PDE1A: variants seen among roughly 807,000 people sequenced by gnomAD.
PDE1A encodes the protein dual specificity calcium/calmodulin-dependent 3',5'-cyclic nucleotide phosphodiesterase 1A.
PDE1A carries 35 observed loss-of-function variants against 61.7 expected under a neutral mutation model. The ratio of observed to expected loss-of-function variants is 0.57; its 90% CI spans 0.43 to 0.75. The LOEUF is 0.75. PDE1A is among the 30% of genes least tolerant of loss of function. PDE1A has a pLI of 0.00. For missense variants in PDE1A, 597 were observed against 630.6 expected, an observed-to-expected ratio of 0.95 and a Z score of 0.57; for synonymous variants, 232 against 213.2, an observed-to-expected ratio of 1.09 and a Z score of -0.77.
At chr2:182,522,210 C>A in intron 2 of PDE1A, 1 of 1,373,198 alleles carries the variant, frequency 7.3e-7, no homozygotes, top group Non-Finnish European at 1.0e-6. Flanking sequence ...GCGGATAGCA[C>A]CAACAATTAG....
chr2:182,681,649 T>G, the PDE1A span, among the ~76,000 whole-genome samples: 2 of 151,918 alleles, frequency 1.3e-5, no homozygotes, highest in African/African-American at 2.4e-5. Flanking sequence ...TATAGATTAC[T>G]CTTTCTCTTT....
At chr2:182,557,716 AAAT>A in the PDE1A span, among the ~76,000 whole-genome samples, 1 of 151,996 alleles carries the variant, frequency 6.6e-6, no homozygotes, top group African/African-American at 2.4e-5. Context: ...TATCTCAAAA[AAAT>A]AATAATAAAA....
chr2:182,547,469 C>T, the PDE1A span, among the ~76,000 whole-genome samples: 48 of 152,270 alleles, frequency 3.2e-4, no homozygotes, highest in Non-Finnish European at 6.3e-4. Flanking sequence ...AGACTCCAGA[C>T]GGGAACTAAT....
chr2:182,627,606 A>G, the PDE1A span, among the ~76,000 whole-genome samples: 1 of 151,262 alleles, frequency 6.6e-6, no homozygotes, highest in Non-Finnish European at 1.5e-5. Flanking sequence ...TGCTGTGCTT[A>G]CCTAAAAAAA....
At chr2:182,687,141 T>A in the PDE1A span, among the ~76,000 whole-genome samples, 1 of 152,206 alleles carries the variant, frequency 6.6e-6, no homozygotes, top group Non-Finnish European at 1.5e-5. Context: ...AGCAGAAACC[T>A]CTGCAGACTT....
intron 1 of PDE1A, among the ~76,000 whole-genome samples, chr2:182,269,094 T>C (rs1338112221): frequency 6.6e-6 from 1 of 152,190 alleles, no homozygotes; most frequent in African/African-American, 2.4e-5. Context: ...AACAACATTA[T>C]GCCAATAAAT....
Position 182,262,998 on chromosome 2 carries a change from C to T in PDE1A, c.167+1303G>A, listed in dbSNP as rs568018161. ...GTGTGTGTGTGTGTGTGTGTATCTG[C>T]GTGCCTGTGAAGTCCAGTACACATA... On this transcript the variant is annotated intron_variant, in intron 2 of 13. Transcript: ENST00000351439. Among the ~76,000 whole-genome samples the T allele has an allele frequency of 4.1e-3, 460 of 111,908 alleles. 6 individuals carry two copies. The highest frequency in any genetic ancestry group is 0.015 in the African/African-American group (427 of 28,542). The allele number at this position is 111,908 out of a possible 152,430, so 73.4% of individuals were successfully genotyped here.
At chr2:182,423,771 T>A (rs937080976) in intron 1 of PDE1A, among the ~76,000 whole-genome samples, 76 of 152,152 alleles carry the variant, frequency 5.0e-4, no homozygotes, top group African/African-American at 1.7e-3. Flanking sequence ...TTTCTCCCCA[T>A]ATCTGAACTC....
chr2:182,262,174 T>C (rs1250004699), intron 2 of PDE1A, among the ~76,000 whole-genome samples: 1 of 151,972 alleles, frequency 6.6e-6, no homozygotes, highest in African/African-American at 2.4e-5. Context: ...CTTCTTTCTT[T>C]CCCTTTCTTT....
chr2:182,448,110 T>C (rs1290045386), intron 2 of PDE1A, among the ~76,000 whole-genome samples: 3 of 152,128 alleles, frequency 2.0e-5, no homozygotes, highest in African/African-American at 7.2e-5. Flanking sequence ...CAGGATAGGC[T>C]CAGTGAAACT....
intron 2 of PDE1A, among the ~76,000 whole-genome samples, chr2:182,244,367 T>A (rs1041288299): frequency 3.3e-5 from 5 of 150,678 alleles, no homozygotes; most frequent in South Asian, 2.1e-4. Context: ...TTTCTTTTTT[T>A]AAAAAAACTT....
rs535809605 is a variant in PDE1A at position 182,459,399 on chromosome 2, T to C, written c.101+62877A>G. On this transcript the variant is annotated intron_variant, in intron 2 of 14. Transcript: ENST00000410103. ...GGACAATAAGAATTTCCTTCAATTCTAACAGCAAGCTTTAAAGTTCTCCCT... is the reference window on the plus strand; with the variant it reads ...GGACAATAAGAATTTCCTTCAATTCCAACAGCAAGCTTTAAAGTTCTCCCT... Among the ~76,000 whole-genome samples the C allele has an allele frequency of 3.3e-5, 5 of 152,288 alleles. No homozygotes were observed. The South Asian group carries it at 1.0e-3, about 32-fold the overall frequency.
At chr2:182,371,782 C>CATTT (rs562249870) in intron 1 of PDE1A, among the ~76,000 whole-genome samples, 156 of 151,932 alleles carry the variant, frequency 1.0e-3, no homozygotes, top group Non-Finnish European at 1.8e-3. Context: ...AATGAATTAA[C>CATTT]ATTTATTTAT....
intron 13 of PDE1A, among the ~76,000 whole-genome samples, chr2:182,152,626 G>A (rs1690852555): frequency 6.6e-6 from 1 of 151,882 alleles, no homozygotes; most frequent in Non-Finnish European, 1.5e-5. Context: ...TCGCCATGTT[G>A]GCCAGGCTGG....
chr2:182,531,309 C>A, the PDE1A span, among the ~76,000 whole-genome samples: 2 of 150,392 alleles, frequency 1.3e-5, no homozygotes, highest in African/African-American at 4.9e-5. Flanking sequence ...TGTAAATGAT[C>A]TAAATGCTGG....
chr2:182,434,713 A>C (rs1704124644), intron 2 of PDE1A, among the ~76,000 whole-genome samples: 1 of 151,946 alleles, frequency 6.6e-6, no homozygotes, highest in Non-Finnish European at 1.5e-5. Flanking sequence ...TACAACTGAG[A>C]ATCACTTTGA....
At chr2:182,510,074 T>C (rs1689687268) in intron 2 of PDE1A, among the ~76,000 whole-genome samples, 2 of 152,114 alleles carry the variant, frequency 1.3e-5, no homozygotes, top group South Asian at 2.1e-4. Flanking sequence ...ACTATAAATA[T>C]CAAAAATTTG....
chr2:182,535,561 T>C, the PDE1A span, among the ~76,000 whole-genome samples: 1 of 152,194 alleles, frequency 6.6e-6, no homozygotes, highest in Non-Finnish European at 1.5e-5. Flanking sequence ...AATTTTTAGT[T>C]AACTATCTTG....
the PDE1A span, among the ~76,000 whole-genome samples, chr2:182,604,753 A>T: frequency 6.6e-6 from 1 of 152,210 alleles, no homozygotes; most frequent in African/African-American, 2.4e-5. Context: ...AAGAATTCAC[A>T]GCATTCTAAG....
Sources: gnomAD v4.1 joint callset for allele counts (sites outside exome capture counted in the v4.1 genomes callset) on GRCh38, gnomAD v4.1.1 for gene constraint, MANE v1.5 for transcripts, NCBI Gene and HGNC (gene_info 2026-07-23, HGNC 2026-07-21) for gene names.